CIC: variants seen among roughly 807,000 people sequenced by gnomAD.
CIC encodes the protein protein capicua homolog.
A neutral mutation model predicts 115.7 loss-of-function variants in CIC; 18 were observed. That is an observed-to-expected ratio of 0.16 (90% confidence interval 0.11 to 0.23). CIC has a LOEUF of 0.23. Ranked by LOEUF, CIC falls within the 10% of genes least tolerant of loss-of-function variation. The pLI is 1.00. For missense variants in CIC, 2,000 were observed against 2,159.3 expected (o/e 0.93, Z 1.46); for synonymous variants, 1,076 against 923.0 (o/e 1.17, Z -3.01).
In CIC at chr19:42,292,114, G is replaced by C. The variant is rs765440412; in HGVS notation, c.5642G>C (p.Ser1881Thr). 3 of 1,613,954 alleles carry C rather than the reference G, an allele frequency of 1.9e-6. No homozygotes were observed. The highest frequency in any genetic ancestry group is 2.7e-5 in the African/African-American group (2 of 75,048). ...ATCCAGCTGACCCCGGTGCCTGTGA[G>C]CACACCCAGCGGCCTGGTGCCGCCC... Reference protein sequence around the residue: ...KIIQLTPVPVSTPSGLVPPLS... With the variant: ...KIIQLTPVPVTTPSGLVPPLS... Residue 1881 changes from serine to threonine, a missense_variant, in exon 13 of 21, where the codon AGC (serine) becomes ACC (threonine). Ser to Thr is a moderately conservative substitution (Grantham distance 58, BLOSUM62 1). This residue lies in a region of CIC where 1,466 missense variants were observed against 1,390.4 expected (regional missense o/e 1.05). Transcript: ENST00000681038.
rs752123559 is a variant in CIC, at chr19:42,293,212, G to A, written c.6453G>A (p.Thr2151=). 11 of 1,596,778 alleles carry A rather than the reference G, an allele frequency of 6.9e-6. No individual in the cohort carries two copies. Among genetic ancestry groups the A allele is most frequent in the African/African-American group, 4.0e-5 (3 of 74,404 alleles). The change falls in exon 16 of 21, where the codon ACG becomes ACA. Residue 2151 remains threonine, a synonymous_variant. Coordinates refer to ENST00000681038, the MANE Select transcript of CIC (RefSeq NM_001386298.1). ...PPPLPETWTP[T]ARSSPPLPPP... is the part of the protein sequence containing the mutation. ...CCCTGCCAGAGACCTGGACTCCCAC[G>A]GCCCGGAGCAGCCCCCCACTGCCCC...
In CIC at chr19:42,292,122, A is replaced by G. The variant is rs1568521200; in HGVS notation, c.5650A>G (p.Ser1884Gly). 1 of 1,613,918 alleles carries G rather than the reference A, an allele frequency of 6.2e-7. No homozygotes were observed. Among genetic ancestry groups the G allele is most frequent in the Non-Finnish European group, 8.5e-7 (1 of 1,180,008 alleles). Residue 1884 changes from serine to glycine, a missense_variant, in exon 13 of 21, where the codon AGC becomes GGC. This residue lies in a region of CIC where 1,466 missense variants were observed against 1,390.4 expected (regional missense o/e 1.05). Coordinates refer to ENST00000681038, the MANE Select transcript of CIC (RefSeq NM_001386298.1). ...GACCCCGGTGCCTGTGAGCACACCC[A>G]GCGGCCTGGTGCCGCCCCTGAGCCC... The part of the protein sequence containing the change: ...QLTPVPVSTP[S>G]GLVPPLSPAT...
chr19:42,293,326 G>T, intron 16 of CIC, 45 bp downstream of exon 16: 3 of 1,526,310 alleles, frequency 2.0e-6, no homozygotes, highest in South Asian at 1.2e-5. Context: ...ACTTGGCTGT[G>T]CCTCTCCATT....
intron 2 of CIC, among the ~76,000 whole-genome samples, chr19:42,275,792 G>T (rs1293738395): frequency 6.6e-6 from 1 of 152,182 alleles, no homozygotes; most frequent in Non-Finnish European, 1.5e-5. Context: ...GGGATTACAG[G>T]TGTGAGCCAC....
chr19:42,290,717 C>T lies in CIC; in HGVS notation c.4676C>T (p.Ala1559Val). 6.2e-7 allele frequency: 1 copy of T among 1,612,608 alleles called. No individual in the cohort carries two copies. Among genetic ancestry groups the T allele is most frequent in the Non-Finnish European group, 8.5e-7 (1 of 1,179,774 alleles). The part of the protein sequence containing the change: ...QEGGGARVPS[A>V]PAPSLAYGAP... ...GGCGGCGGAGCCAGAGTGCCCTCCGCCCCCGCCCCATCACTGGCCTATGGG... is the reference window on the plus strand; with the variant it reads ...GGCGGCGGAGCCAGAGTGCCCTCCGTCCCCGCCCCATCACTGGCCTATGGG... The change falls in exon 11 of 21, where the codon GCC (alanine) becomes GTC (valine). Residue 1559 changes from alanine to valine, a missense_variant. Around this residue, in one of 8 missense-constraint regions of CIC, gnomAD observed 1,466 missense variants for 1,390.4 expected, o/e 1.05. Coordinates refer to ENST00000681038, the MANE Select transcript of CIC (RefSeq NM_001386298.1).
At position 42,275,935 on chromosome 19, in the gene CIC, T is replaced by C. The variant is rs559817665; in HGVS notation, c.2794+1358T>C. 6.6e-5 allele frequency among the ~76,000 whole-genome samples: 10 copies of C among 152,258 alleles called. No homozygotes were observed. The South Asian group carries it at 2.1e-3, about 32-fold the overall frequency. ...CTACTTACACAGGGCTCACAGCCTC[T>C]GGAAAAGACAGACCCCTCCCTAGAC... On this transcript the variant is annotated intron_variant, in intron 2 of 20. Coordinates refer to ENST00000681038, the MANE Select transcript of CIC (RefSeq NM_001386298.1).
rs759858700 is a variant in CIC, at chr19:42,291,637, G to A, written c.5505G>A (p.Leu1835=). ...TGCCTGGGAAGGTCCTAGTGCCTCT[G>A]GCCGCCCCTAGCATGTCAGTGCGGG... ...QLLPGKVLVP[L]AAPSMSVRGG... The change falls in exon 12 of 21, where the codon CTG becomes CTA. Residue 1835 remains leucine, a synonymous_variant. Transcript: ENST00000681038. 2 of 1,612,874 alleles carry A rather than the reference G, an allele frequency of 1.2e-6. No homozygotes were observed. Among genetic ancestry groups the A allele is most frequent in the African/African-American group, 2.7e-5 (2 of 74,908 alleles).
chr19:42,294,219 G>A lies in CIC; in HGVS notation c.6969G>A (p.Met2323Ile), dbSNP rs1245957488. 6.2e-7 allele frequency: 1 copy of A among 1,613,768 alleles called. No individual in the cohort carries two copies. Among genetic ancestry groups the A allele is most frequent in the Non-Finnish European group, 8.5e-7 (1 of 1,180,024 alleles). Residue 2323 changes from methionine to isoleucine, a missense_variant, in exon 19 of 21, where the codon ATG becomes ATA. By Grantham distance (10) the Met-to-Ile change is conservative. This residue lies in a region of CIC where 99 missense variants were observed against 217.6 expected (regional missense o/e 0.45). Coordinates refer to ENST00000681038, the MANE Select transcript of CIC (RefSeq NM_001386298.1). ...PEDPTSPKRK[M>I]RRRSSCSSEP... ...ACCCCACCTCGCCCAAGCGCAAGAT[G>A]AGAAGACGCTCCAGCTGCAGCTCGG... is the stretch of plus-strand genomic sequence containing the variant.
At position 42,289,948 on chromosome 19, in the gene CIC, C is replaced by T. The variant is rs1463169568; in HGVS notation, c.4188C>T (p.Asn1396=). The T allele has an allele frequency of 6.2e-7, 1 of 1,602,256 alleles. No individual in the cohort carries two copies. The highest frequency in any genetic ancestry group is 8.5e-7 in the Non-Finnish European group (1 of 1,174,160). The change falls in exon 10 of 21, where the codon AAC becomes AAT. Residue 1396 remains asparagine (N), a synonymous_variant. Transcript: ENST00000681038. The part of the protein sequence containing the change: ...GDSSGEDPEG[N]KGFGRKVFSP... ...GCTCTGGGGAGGACCCAGAGGGCAACAAGGTGAGGGCTTGGGTCACGGTGC... is the reference window on the plus strand; with the variant it reads ...GCTCTGGGGAGGACCCAGAGGGCAATAAGGTGAGGGCTTGGGTCACGGTGC...
Position 42,290,793 on chromosome 19 carries a change from G to T in CIC, c.4752G>T (p.Val1584=). 1 of 1,610,352 alleles carries T rather than the reference G, an allele frequency of 6.2e-7. No homozygotes were observed. Residue 1584 remains valine (V), a synonymous_variant, in exon 11 of 21, where the codon GTG becomes GTT. Coordinates refer to ENST00000681038, the MANE Select transcript of CIC (RefSeq NM_001386298.1). ...CTGCCGCCACCATGGTCACCAATGT[G>T]GTGCGGCCTGTCAGCAGCACTCCTG... The part of the protein sequence containing the change: ...SRPAATMVTN[V]VRPVSSTPVP...
At chr19:42,292,057 C>T (rs2038162126) in intron 12 of CIC, 29 bp from the exon 13 acceptor site, 1 of 1,612,746 alleles carries the variant, frequency 6.2e-7, no homozygotes, top group Admixed American at 1.7e-5. Context: ...CCACAGCTCA[C>T]CCTGGCCTAT....
chr19:42,276,503 G>A lies in CIC; in HGVS notation c.2794+1926G>A, dbSNP rs1002728019. ...GGGGCAAGAGCCCTTTCAGGAAGGA[G>A]CACTGGCCTGGCCCTTCCCTTTTGG... On this transcript the variant is annotated intron_variant, in intron 2 of 20. Coordinates refer to ENST00000681038, the MANE Select transcript of CIC (RefSeq NM_001386298.1). Among the ~76,000 whole-genome samples the A allele has an allele frequency of 3.9e-5, 6 of 152,106 alleles. No homozygotes were observed. The East Asian group carries it at 7.7e-4, about 20-fold the overall frequency.
In CIC at chr19:42,286,781, T is replaced by C. The variant is rs769705560; in HGVS notation, c.2805T>C (p.Asn935=). 5 of 1,613,880 alleles carry C rather than the reference T, an allele frequency of 3.1e-6. No individual in the cohort carries two copies. The highest frequency in any genetic ancestry group is 3.3e-5 in the Admixed American group (2 of 60,000). Residue 935 remains asparagine, a synonymous_variant, in exon 3 of 21, where the codon AAT becomes AAC. Coordinates refer to ENST00000681038, the MANE Select transcript of CIC (RefSeq NM_001386298.1). ...IMGRPGTVWT[N]VEPRSVAVFP... ...GGCTCCTTTCCACAGTGTGGACGAA[T>C]GTGGAACCTCGCTCTGTGGCTGTGT...
At chr19:42,269,243 G>T (rs561860491), upstream of CIC, 1 of 151,754 alleles carries the variant, frequency 6.6e-6, no homozygotes, top group South Asian at 2.1e-4. Flanking sequence ...AGCTGTTGCA[G>T]GTCCATTCAC....
rs771116358 is a variant in CIC at position 42,290,273 on chromosome 19, C to G, written c.4232C>G (p.Ser1411Cys). Residue 1411 changes from serine (S) to cysteine (C), a missense_variant, in exon 11 of 21, where the codon TCC becomes TGC. Coordinates refer to ENST00000681038, the MANE Select transcript of CIC (RefSeq NM_001386298.1). ...RKVFSPVIRSSFTHCRPPLDP... is the reference protein window; with the variant it reads ...RKVFSPVIRSCFTHCRPPLDP... ...GTGTTTTCACCTGTGATCCGTTCCT[C>G]CTTTACCCACTGCCGCCCCCCACTG... 7 of 1,614,098 alleles carry G rather than the reference C, an allele frequency of 4.3e-6. No homozygotes were observed. The Admixed American group carries it at 1.2e-4, about 27-fold the overall frequency.
rs1253191984 is a variant in CIC, at chr19:42,295,719, CAAA to C, written c.*530_*532del. 8.8e-6 allele frequency: 2 copies of C among 227,942 alleles called. No homozygotes were observed. The highest frequency in any genetic ancestry group is 1.7e-5 in the Non-Finnish European group (2 of 114,806). 14.1% of individuals were successfully genotyped at this position (227,942 alleles called of 1,614,324 possible). A position where few individuals can be genotyped will look rare whatever the true frequency, so the allele number is the denominator to read the frequency against. On this transcript the variant is annotated 3_prime_UTR_variant, in exon 21 of 21. Transcript: ENST00000681038. Reference sequence around the variant, plus strand: ...CCTGCCCTTGCCCCCTTCCCCAGAACAAAACATGTTGATCATGTGCAATATTTC... The same window carrying C: ...CCTGCCCTTGCCCCCTTCCCCAGAACACATGTTGATCATGTGCAATATTTC...
In CIC at chr19:42,290,288, GC is replaced by G. The variant is rs2037981977; in HGVS notation, c.4253del (p.Pro1418HisfsTer14). 6.2e-7 allele frequency: 1 copy of G among 1,613,934 alleles called. No individual in the cohort carries two copies. Among genetic ancestry groups the G allele is most frequent in the Non-Finnish European group, 8.5e-7 (1 of 1,179,934 alleles). ...ATCCGTTCCTCCTTTACCCACTGCC[GC>G]CCCCCACTGGACCCTGAGCCCCCAG... The part of the protein sequence containing the change: ...PVIRSSFTHC[R>X]PPLDPEPPGP... On this transcript the variant is annotated frameshift_variant, in exon 11 of 21. Transcript: ENST00000681038. LOFTEE classifies it high-confidence loss of function.
Position 42,291,381 on chromosome 19 carries a change from C to T in CIC, c.5340C>T (p.Ser1780=). 6.2e-7 allele frequency: 1 copy of T among 1,612,586 alleles called. No individual in the cohort carries two copies. The highest frequency in any genetic ancestry group is 1.3e-5 in the African/African-American group (1 of 75,030). The change falls in exon 11 of 21, where the codon TCC becomes TCT. Residue 1780 remains serine (S), a synonymous_variant. Coordinates refer to ENST00000681038, the MANE Select transcript of CIC (RefSeq NM_001386298.1). ...SIRFTLPPGT[S]TNGKVLAATA... ...GTTTCACCCTCCCACCGGGCACTTC[C>T]ACCAACGGCAAAGTCCTGGCTGCCA...
chr19:42,274,015 C>T lies in CIC; in HGVS notation c.2232C>T (p.Ser744=), dbSNP rs2036876506. 1 of 398,640 alleles carries T rather than the reference C, an allele frequency of 2.5e-6. No homozygotes were observed. The highest frequency in any genetic ancestry group is 1.3e-4 in the South Asian group (1 of 7,886). The allele number at this position is 398,640 out of a possible 1,614,324, so 24.7% of individuals were successfully genotyped here. The part of the protein sequence containing the change: ...GAAPDFPKSD[S]LDSGVDSVSH... ...CCCCAGACTTTCCCAAGAGTGACAGCTTAGACTCTGGTGTGGACTCAGTGT... is the reference window on the plus strand; with the variant it reads ...CCCCAGACTTTCCCAAGAGTGACAGTTTAGACTCTGGTGTGGACTCAGTGT... Residue 744 remains serine, a synonymous_variant, in exon 2 of 21, where the codon AGC becomes AGT. Coordinates refer to ENST00000681038, the MANE Select transcript of CIC (RefSeq NM_001386298.1).
Sources: gnomAD v4.1 joint callset for allele counts (sites outside exome capture counted in the v4.1 genomes callset) on GRCh38, gnomAD v4.1.1 for gene constraint, gnomAD v4.1.1 regional missense constraint, MANE v1.5 for transcripts, NCBI Gene and HGNC (gene_info 2026-07-23, HGNC 2026-07-21) for gene names.